The following FHOD3 variants were observed in gnomAD, a reference collection of about 807,000 sequenced individuals.
FHOD3 encodes the protein formin homology 2 domain containing 3.
A neutral mutation model predicts 173.0 loss-of-function variants in FHOD3; 90 were observed. The observed-to-expected ratio is 0.52, with a 90% confidence interval of 0.44 to 0.62. FHOD3 has a LOEUF of 0.62. Ranked by LOEUF, FHOD3 falls within the 20% of genes least tolerant of loss-of-function variation. The pLI, the probability that FHOD3 is intolerant of heterozygous loss-of-function variation, is 0.00. For synonymous variants in FHOD3, 828 were observed against 823.0 expected (o/e 1.01, Z -0.10); for missense variants, 1,945 against 2,034.7 (o/e 0.96, Z 0.85).
intron 1 of FHOD3, among the ~76,000 whole-genome samples, chr18:36,324,063 A>G (rs914087398): frequency 1.3e-5 from 2 of 152,268 alleles, no homozygotes; most frequent in Admixed American, 6.5e-5. Context: ...TAGTCCCACA[A>G]GGATAGACAA....
intron 20 of FHOD3, among the ~76,000 whole-genome samples, chr18:36,738,481 C>T (rs951934868): frequency 6.6e-6 from 1 of 152,126 alleles, no homozygotes; most frequent in African/African-American, 2.4e-5. Flanking sequence ...TTATCTTATT[C>T]TTTTTTGGTA....
At chr18:36,503,834 C>T (rs931305549) in intron 4 of FHOD3, among the ~76,000 whole-genome samples, 11 of 152,228 alleles carry the variant, frequency 7.2e-5, no homozygotes, top group African/African-American at 2.7e-4. Flanking sequence ...CTGCCCACCT[C>T]TCTGTCCTTG....
intron 18 of FHOD3, chr18:36,710,765 A>G (rs2040128816): frequency 6.6e-6 from 1 of 152,254 alleles, no homozygotes; most frequent in Non-Finnish European, 1.5e-5. Flanking sequence ...AAGTCAGATT[A>G]CAGTTAGTCC....
chr18:36,551,839 C>T (rs984000825), intron 5 of FHOD3, among the ~76,000 whole-genome samples: 3 of 152,156 alleles, frequency 2.0e-5, no homozygotes, highest in African/African-American at 4.8e-5. Flanking sequence ...GGGCTCTGTT[C>T]TCTTCCATTG....
At chr18:36,311,411 C>T (rs1210816460) in intron 1 of FHOD3, among the ~76,000 whole-genome samples, 1 of 152,148 alleles carries the variant, frequency 6.6e-6, no homozygotes, top group South Asian at 2.1e-4. Flanking sequence ...AAATAAATGA[C>T]ACCAAGGGCT....
intron 1 of FHOD3, among the ~76,000 whole-genome samples, chr18:36,330,581 C>A (rs943291340): frequency 6.6e-6 from 1 of 152,056 alleles, no homozygotes; most frequent in Non-Finnish European, 1.5e-5. Context: ...GGGACTGTGG[C>A]GTGCAGGGCT....
chr18:36,338,738 G>A (rs1179134308), intron 1 of FHOD3, among the ~76,000 whole-genome samples: 1 of 152,164 alleles, frequency 6.6e-6, no homozygotes, highest in Non-Finnish European at 1.5e-5. Context: ...GTCACAGCCA[G>A]CTGGACTTCC....
chr18:36,630,381 G>T lies in FHOD3; in HGVS notation c.1196+4632G>T, dbSNP rs565821681. On this transcript the variant is annotated intron_variant, in intron 10 of 28. Transcript: ENST00000590592. Reference sequence around the variant, plus strand: ...TGGTTTACAGTAGAGTCTTTTTTTTGATTTTAAGTCCGTTTAGCAAAGTTT... The same window carrying T: ...TGGTTTACAGTAGAGTCTTTTTTTTTATTTTAAGTCCGTTTAGCAAAGTTT... Among the ~76,000 whole-genome samples, 107 of 151,418 alleles carry T rather than the reference G, an allele frequency of 7.1e-4. 1 individual carries two copies. Among genetic ancestry groups the T allele is most frequent in the South Asian group, 1.2e-3 (6 of 4,802 alleles).
intron 3 of FHOD3, among the ~76,000 whole-genome samples, chr18:36,373,868 C>A (rs1270025529): frequency 6.6e-6 from 1 of 152,152 alleles, no homozygotes; most frequent in Admixed American, 6.5e-5. Context: ...CCAGTGATTT[C>A]ATATGTATAA....
intron 10 of FHOD3, among the ~76,000 whole-genome samples, chr18:36,641,097 C>T (rs9948787): frequency 0.071 from 10,783 of 152,142 alleles, 661 homozygotes; most frequent in East Asian, 0.24. Context: ...CTGTGCCGAA[C>T]GCTGTGCTAG....
intron 9 of FHOD3, among the ~76,000 whole-genome samples, chr18:36,618,310 G>GTTTTTTTTTTTTTTTTTTTTTTTTTTT (rs1465774220): frequency 1.2e-5 from 1 of 85,226 alleles, no homozygotes; most frequent in African/African-American, 4.1e-5. Flanking sequence ...GTTTTTTGGT[G>GTTTTTTTTTTTTTTTTTTTTTTTTTTT]GTTTTTTTTT....
intron 2 of FHOD3, among the ~76,000 whole-genome samples, chr18:36,356,200 G>C (rs1887581084): frequency 6.6e-6 from 1 of 152,236 alleles, no homozygotes; most frequent in Admixed American, 6.5e-5. Context: ...CTTAGCAGAT[G>C]CTATAGTAGA....
rs377406533 is a variant in FHOD3 at position 36,755,080 on chromosome 18, A to G, written c.4233-39A>G. 318 of 1,381,868 alleles carry G rather than the reference A, an allele frequency of 2.3e-4. 2 individuals are homozygous for G. In the African/African-American group the frequency reaches 4.4e-3, roughly 19 times the overall value. 85.6% of individuals were successfully genotyped at this position (1,381,868 alleles called of 1,614,324 possible). A position where few individuals can be genotyped will look rare whatever the true frequency, so the allele number is the denominator to read the frequency against. On this transcript the variant is annotated intron_variant, in intron 24 of 28. Coordinates refer to ENST00000590592, the MANE Select transcript of FHOD3 (RefSeq NM_001281740.3). ...TTTAGACAAGTAATTTTTATTTCTT[A>G]AAACGGAAGTCATTGCTATTACTGT...
chr18:36,667,609 A>C (rs1424853572), intron 14 of FHOD3, among the ~76,000 whole-genome samples: 2 of 152,148 alleles, frequency 1.3e-5, no homozygotes, highest in Admixed American at 6.5e-5. Flanking sequence ...CTAAACATAG[A>C]AAAGGTATGG....
At chr18:36,514,704 C>T (rs1390783581) in intron 5 of FHOD3, among the ~76,000 whole-genome samples, 2 of 152,230 alleles carry the variant, frequency 1.3e-5, no homozygotes, top group African/African-American at 4.8e-5. Flanking sequence ...TATCCTCATT[C>T]TTCTGACCCT....
intron 5 of FHOD3, among the ~76,000 whole-genome samples, chr18:36,566,233 G>A (rs979408436): frequency 6.6e-6 from 1 of 152,180 alleles, no homozygotes; most frequent in Non-Finnish European, 1.5e-5. Flanking sequence ...ACATGAACAA[G>A]CAGGCAAATA....
At chr18:36,352,226 A>T (rs1039715385) in intron 1 of FHOD3, among the ~76,000 whole-genome samples, 1 of 152,206 alleles carries the variant, frequency 6.6e-6, no homozygotes, top group Admixed American at 6.5e-5. Flanking sequence ...AGCCTGCGCA[A>T]CAGTGAGACC....
At chr18:36,748,011 T>TC (rs2150123075) in intron 24 of FHOD3, among the ~76,000 whole-genome samples, 1 of 152,244 alleles carries the variant, frequency 6.6e-6, no homozygotes, top group East Asian at 1.9e-4. Context: ...ATGAACCCTC[T>TC]CCCAGCTTGT....
intron 1 of FHOD3, among the ~76,000 whole-genome samples, chr18:36,349,317 G>A (rs761314187): frequency 2.3e-4 from 35 of 152,182 alleles, no homozygotes; most frequent in Admixed American, 2.0e-4. Context: ...CTGTCCATTG[G>A]CCAAAGCAAG....
Sources: allele counts gnomAD v4.1 joint callset (sites outside exome capture counted in the v4.1 genomes callset), GRCh38; gene constraint gnomAD v4.1.1; transcripts MANE v1.5; gene names NCBI Gene and HGNC (gene_info 2026-07-23, HGNC 2026-07-21).